The following MGAT4C variants were observed in gnomAD, a reference collection of about 807,000 sequenced individuals.
MGAT4C encodes alpha-1,3-mannosyl-glycoprotein 4-beta-N-acetylglucosaminyltransferase C.
In MGAT4C, 19 loss-of-function variants were observed where a neutral mutation model predicts 40.1. That is an observed-to-expected ratio of 0.47 (90% CI 0.33 to 0.70). The LOEUF (loss-of-function observed/expected upper bound fraction) is 0.70, where lower values mean the gene tolerates loss of function less well. Among genes scored for constraint, MGAT4C ranks in the 30% least tolerant of loss-of-function variants. The pLI is 0.02. For missense variants in MGAT4C, 491 were observed against 563.2 expected (o/e 0.87, Z 1.30); for synonymous variants, 181 against 187.1 (o/e 0.97, Z 0.27).
At chr12:86,504,880 C>T (rs1447077218) in intron 2 of MGAT4C, among the ~76,000 whole-genome samples, 1 of 152,106 alleles carries the variant, frequency 6.6e-6, no homozygotes, top group African/African-American at 2.4e-5. Context: ...ATCTCTTAAC[C>T]TAGTGATCTG....
chr12:86,011,453 G>A (rs1592681406), intron 2 of MGAT4C, among the ~76,000 whole-genome samples: 1 of 152,130 alleles, frequency 6.6e-6, no homozygotes, highest in Admixed American at 6.6e-5. Context: ...GGTCAACAAA[G>A]CACATATGAT....
In MGAT4C at chr12:86,084,988, G is replaced by A. The variant is rs978437036; in HGVS notation, c.-56-35265C>T. Reference sequence around the variant, plus strand: ...CTACGTGATACTGGGTCTGATAGACGTTGGTTAAGATTTTGGGTTTTATTC... The same window carrying A: ...CTACGTGATACTGGGTCTGATAGACATTGGTTAAGATTTTGGGTTTTATTC... On this transcript the variant is annotated intron_variant, in intron 1 of 4. Coordinates refer to ENST00000611864, the MANE Select transcript of MGAT4C (RefSeq NM_001351288.2). Among the ~76,000 whole-genome samples the A allele has an allele frequency of 3.9e-5, 6 of 152,028 alleles. No homozygotes were observed. The East Asian group carries it at 5.8e-4, about 15-fold the overall frequency.
intron 3 of MGAT4C, among the ~76,000 whole-genome samples, chr12:86,401,698 C>T (rs1592794968): frequency 1.3e-5 from 2 of 152,112 alleles, no homozygotes; most frequent in East Asian, 3.9e-4. Flanking sequence ...TTCTAGCTTC[C>T]AGCACATTAT....
At chr12:86,303,023 A>C (rs186683409) in intron 4 of MGAT4C, among the ~76,000 whole-genome samples, 1 of 150,712 alleles carries the variant, frequency 6.6e-6, no homozygotes, top group Admixed American at 6.6e-5. Flanking sequence ...CTCAGAATAG[A>C]ACTTCAACTA....
chr12:86,057,204 G>T lies in MGAT4C; in HGVS notation c.-56-7481C>A, dbSNP rs150615505. Among the ~76,000 whole-genome samples the T allele has an allele frequency of 2.2e-3, 334 of 151,920 alleles. 10 individuals are homozygous for T. The East Asian group carries it at 0.056, about 25-fold the overall frequency. On this transcript the variant is annotated intron_variant, in intron 1 of 4. Transcript: ENST00000611864. ...TATTATTTTCTTTTTTAGAGACAGG[G>T]TCTAGCTCTGTGGTTCAGGCTGGAG...
intron 2 of MGAT4C, among the ~76,000 whole-genome samples, chr12:85,997,862 AT>A (rs1886803969): frequency 6.6e-6 from 1 of 152,126 alleles, no homozygotes; most frequent in East Asian, 1.9e-4. Context: ...TGGATCTACC[AT>A]TCTGGGGTCT....
At chr12:86,373,646 G>T (rs1592757409) in intron 3 of MGAT4C, among the ~76,000 whole-genome samples, 1 of 148,964 alleles carries the variant, frequency 6.7e-6, no homozygotes, top group Non-Finnish European at 1.5e-5. Context: ...CATCACAAAA[G>T]AAAATAGTTT....
chr12:86,340,837 T>C (rs1045445654), intron 3 of MGAT4C, among the ~76,000 whole-genome samples: 1 of 152,138 alleles, frequency 6.6e-6, no homozygotes, highest in African/African-American at 2.4e-5. Context: ...ATAAAGGAGT[T>C]CAGAAGAAGT....
At chr12:86,559,050 G>A (rs1341570892) in intron 2 of MGAT4C, among the ~76,000 whole-genome samples, 3 of 151,754 alleles carry the variant, frequency 2.0e-5, no homozygotes, top group Non-Finnish European at 2.9e-5. Flanking sequence ...CTATATTTGT[G>A]TCAGACAGAA....
At chr12:86,558,835 A>G (rs375259965) in intron 2 of MGAT4C, among the ~76,000 whole-genome samples, 10 of 151,976 alleles carry the variant, frequency 6.6e-5, no homozygotes, top group Non-Finnish European at 1.2e-4. Flanking sequence ...CAATGAGAAA[A>G]CAATTAACAA....
At chr12:86,461,494 C>T (rs1957601179) in intron 2 of MGAT4C, among the ~76,000 whole-genome samples, 1 of 152,108 alleles carries the variant, frequency 6.6e-6, no homozygotes, top group African/African-American at 2.4e-5. Flanking sequence ...ATCCACCCTC[C>T]TCGGCCTCCC....
intron 4 of MGAT4C, among the ~76,000 whole-genome samples, chr12:85,982,464 C>T (rs937710612): frequency 2.0e-5 from 3 of 152,200 alleles, no homozygotes; most frequent in Non-Finnish European, 4.4e-5. Flanking sequence ...GCTGGGATTA[C>T]AGGCATGAGC....
At chr12:86,033,925 C>CCTT (rs1176322586) in intron 2 of MGAT4C, among the ~76,000 whole-genome samples, 2 of 148,146 alleles carry the variant, frequency 1.4e-5, no homozygotes, top group Non-Finnish European at 3.0e-5. Flanking sequence ...TTAATATATT[C>CCTT]CTTCAATACG....
intron 2 of MGAT4C, among the ~76,000 whole-genome samples, chr12:85,990,952 T>A (rs1387758190): frequency 6.6e-6 from 1 of 152,214 alleles, no homozygotes; most frequent in Non-Finnish European, 1.5e-5. Flanking sequence ...TTATGGGATC[T>A]TCAGAGTGTT....
intron 2 of MGAT4C, among the ~76,000 whole-genome samples, chr12:86,715,591 T>C (rs1274975813): frequency 2.0e-5 from 3 of 152,108 alleles, no homozygotes; most frequent in Non-Finnish European, 2.9e-5. Context: ...AACAAAAAAA[T>C]TTAAGACCCA....
chr12:86,494,052 C>A (rs1163583022), intron 2 of MGAT4C, among the ~76,000 whole-genome samples: 4 of 151,728 alleles, frequency 2.6e-5, no homozygotes, highest in Non-Finnish European at 5.9e-5. Flanking sequence ...TTTGTATAGC[C>A]ATGTAATCAC....
At chr12:86,833,686 T>C (rs753817981) in intron 1 of MGAT4C, among the ~76,000 whole-genome samples, 3 of 151,944 alleles carry the variant, frequency 2.0e-5, no homozygotes, top group Non-Finnish European at 2.9e-5. Flanking sequence ...TTCTGAGATA[T>C]TGGAGGTTAA....
At chr12:86,356,373 T>C (rs994327535) in intron 3 of MGAT4C, among the ~76,000 whole-genome samples, 1 of 152,146 alleles carries the variant, frequency 6.6e-6, no homozygotes, top group African/African-American at 2.4e-5. Context: ...GATGGCCAAA[T>C]AGGAAGAACT....
At chr12:86,595,780 A>C (rs1432755700) in intron 2 of MGAT4C, among the ~76,000 whole-genome samples, 1 of 152,190 alleles carries the variant, frequency 6.6e-6, no homozygotes, top group East Asian at 1.9e-4. Context: ...CATCCTTAAA[A>C]TCAAATTCTA....
Sources: allele counts gnomAD v4.1 joint callset (sites outside exome capture counted in the v4.1 genomes callset), GRCh38; gene constraint gnomAD v4.1.1; transcripts MANE v1.5; gene names NCBI Gene and HGNC (gene_info 2026-07-23, HGNC 2026-07-21).